CRIPT: variants seen among roughly 807,000 people sequenced by gnomAD.
CRIPT encodes the protein cysteine-rich PDZ-binding protein.
Under a neutral mutation model 16.6 loss-of-function variants are expected in CRIPT, and 20 were observed. That is an observed-to-expected ratio of 1.20 (90% CI 0.85 to 1.75). The LOEUF (loss-of-function observed/expected upper bound fraction) is 1.75. Ranked by LOEUF, CRIPT falls within the 40% of genes most tolerant of loss-of-function variation. CRIPT has a pLI of 0.00. For synonymous variants in CRIPT, 42 were observed against 37.0 expected (o/e 1.14, Z -0.49); for missense variants, 133 against 115.3 (o/e 1.15, Z -0.70).
intron 1 of CRIPT, among the ~76,000 whole-genome samples, chr2:46,618,415 C>A (rs1670720454): frequency 6.6e-6 from 1 of 152,180 alleles, no homozygotes; most frequent in East Asian, 1.9e-4. Flanking sequence ...TACTGTAATC[C>A]CTTTAAAATT....
At position 46,623,922 on chromosome 2, in the gene CRIPT, A is replaced by G. The variant is rs1172007415; in HGVS notation, c.241+55A>G. The G allele has an allele frequency of 3.9e-6, 5 of 1,273,864 alleles. No individual in the cohort carries two copies. The South Asian group carries it at 3.9e-5, about 10-fold the overall frequency. 78.9% of individuals were successfully genotyped at this position (1,273,864 alleles called of 1,614,324 possible). On this transcript the variant is annotated intron_variant, in intron 4 of 4. Coordinates refer to ENST00000238892, the MANE Select transcript of CRIPT (RefSeq NM_014171.6). ...CATAAAACCGACTTCATTTGCTGCT[A>G]ATTTGGTTAACAGAAAAGATGTAGC...
rs910607945 is a variant in CRIPT, at chr2:46,619,660, C to T, written c.116C>T (p.Ala39Val). 1.2e-6 allele frequency: 2 copies of T among 1,611,318 alleles called. No homozygotes were observed. Among genetic ancestry groups the T allele is most frequent in the Non-Finnish European group, 1.7e-6 (2 of 1,178,704 alleles). ...SGGRKLNENK[A>V]LTSKKARFDP... The stretch of plus-strand genomic sequence containing the variant: ...GGAAGAAAGCTGAATGAAAATAAAG[C>T]TTTGACTTCAAAAAAAGCAAGGTGG... The change falls in exon 3 of 5, where the codon GCT becomes GTT. Residue 39 changes from alanine (A) to valine (V), a missense_variant. By Grantham distance (64) the Ala-to-Val change is moderately conservative (BLOSUM62 0). Coordinates refer to ENST00000238892, the MANE Select transcript of CRIPT (RefSeq NM_014171.6).
Position 46,623,847 on chromosome 2 carries a change from A to C in CRIPT, c.221A>C (p.Gln74Pro), listed in dbSNP as rs554039395. The part of the protein sequence containing the change: ...SVHQPGSHYC[Q>P]GCAYKKGICA... ...CACCAACCAGGTTCTCATTACTGCC[A>C]GGGCTGTGCCTACAAAAAAGGTAAG... Residue 74 changes from glutamine (Q) to proline (P), a missense_variant, in exon 4 of 5, where the codon CAG (glutamine) becomes CCG (proline). By Grantham distance (76) the Gln-to-Pro change is moderately conservative (BLOSUM62 -1). Transcript: ENST00000238892. The C allele has an allele frequency of 6.8e-6, 11 of 1,607,764 alleles. No homozygotes were observed. The highest frequency in any genetic ancestry group is 4.4e-5 in the South Asian group (4 of 90,088).
At chr2:46,622,168 G>T (rs1670820083) in intron 3 of CRIPT, among the ~76,000 whole-genome samples, 1 of 151,970 alleles carries the variant, frequency 6.6e-6, no homozygotes. Context: ...AGGAGATCGA[G>T]ACCATCCTGG....
intron 3 of CRIPT, among the ~76,000 whole-genome samples, chr2:46,620,812 C>T (rs1324293715): frequency 6.6e-6 from 1 of 151,478 alleles, no homozygotes; most frequent in African/African-American, 2.4e-5. Context: ...AGCAGTTTAT[C>T]TGACATACCT....
chr2:46,627,678 C>T lies in CRIPT; in HGVS notation c.*3451C>T, dbSNP rs1204547109. Among the ~76,000 whole-genome samples the T allele has an allele frequency of 6.6e-6, 1 of 152,138 alleles. No individual in the cohort carries two copies. The highest frequency in any genetic ancestry group is 2.4e-5 in the African/African-American group (1 of 41,424). ...CAGGCTGGTCTTGAATTCCGAGCCT[C>T]AAGTGATCCACCCACCTCAGTCTCC... is the stretch of plus-strand genomic sequence containing the variant. On this transcript the variant is annotated 3_prime_UTR_variant, in exon 5 of 5. Transcript: ENST00000238892.
At position 46,629,743 on chromosome 2, in the gene CRIPT, G is replaced by A. The variant is rs920875143; in HGVS notation, c.*5516G>A. 6.6e-6 allele frequency among the ~76,000 whole-genome samples: 1 copy of A among 152,096 alleles called. No individual in the cohort carries two copies. The highest frequency in any genetic ancestry group is 1.5e-5 in the Non-Finnish European group (1 of 68,016). On this transcript the variant is annotated 3_prime_UTR_variant, in exon 5 of 5. Coordinates refer to ENST00000238892, the MANE Select transcript of CRIPT (RefSeq NM_014171.6). ...TGGTGATGCTAATTTTGATCACTTG[G>A]GTAAGATGTCCAGTTTCTCCAGTGT...
chr2:46,623,903 AC>A, intron 4 of CRIPT, 36 bp downstream of exon 4: 1 of 1,419,798 alleles, frequency 7.0e-7, no homozygotes, highest in Non-Finnish European at 9.8e-7. Flanking sequence ...TATTCATAAA[AC>A]CGACTTCATT....
Position 46,627,441 on chromosome 2 carries a change from C to CT in CRIPT, c.*3229dup, listed in dbSNP as rs371471601. Among the ~76,000 whole-genome samples the CT allele has an allele frequency of 0.065, 9,266 of 141,922 alleles. 365 individuals are homozygous for CT. The highest frequency in any genetic ancestry group is 0.098 in the Non-Finnish European group (6,338 of 64,868). 93.1% of individuals were successfully genotyped at this position (141,922 alleles called of 152,430 possible). ...ATAGCTTGAAGTCTTACATTTAAAT[C>CT]TTTTTTTTTTTTTTTCCCCAAAGAC... On this transcript the variant is annotated 3_prime_UTR_variant, in exon 5 of 5. Coordinates refer to ENST00000238892, the MANE Select transcript of CRIPT (RefSeq NM_014171.6).
At position 46,623,244 on chromosome 2, in the gene CRIPT, G is replaced by C. The variant is rs994807438; in HGVS notation, c.138-520G>C. Among the ~76,000 whole-genome samples, 5 of 152,138 alleles carry C rather than the reference G, an allele frequency of 3.3e-5. 1 individual carries two copies. Among genetic ancestry groups the C allele is most frequent in the Admixed American group, 3.3e-4 (5 of 15,280 alleles). ...CGACTGATAAGTGCTTTACATGATT[G>C]TCGTCACAAAAATCACAATCAGAAT... On this transcript the variant is annotated intron_variant, in intron 3 of 4. Coordinates refer to ENST00000238892, the MANE Select transcript of CRIPT (RefSeq NM_014171.6).
In CRIPT at chr2:46,628,657, C is replaced by T. The variant is rs545363325; in HGVS notation, c.*4430C>T. ...TTCCATGAATGGATCATCCAGTGGC[C>T]GCACTTAGGTTCTCCTATGAAGATT... On this transcript the variant is annotated 3_prime_UTR_variant, in exon 5 of 5. Transcript: ENST00000238892. 2.6e-5 allele frequency among the ~76,000 whole-genome samples: 4 copies of T among 152,258 alleles called. No individual in the cohort carries two copies. In the South Asian group the frequency reaches 6.2e-4, roughly 24 times the overall value.
chr2:46,617,327 G>C, intron 1 of CRIPT, 29 bp downstream of exon 1: 1 of 1,552,500 alleles, frequency 6.4e-7, no homozygotes, highest in Non-Finnish European at 8.7e-7. Flanking sequence ...TCTGCGGGAG[G>C]AGGAGGCTGG....
chr2:46,618,647 C>T (rs1046860598), intron 1 of CRIPT, 126 bp from the exon 2 acceptor site: 2 of 515,206 alleles, frequency 3.9e-6, no homozygotes, highest in African/African-American at 4.1e-5. Flanking sequence ...TGGCTGCTCT[C>T]CCAGCATTAA....
chr2:46,619,466 A>G (rs934919533), intron 2 of CRIPT, among the ~76,000 whole-genome samples, 161 bp from the exon 3 acceptor site: 1 of 152,104 alleles, frequency 6.6e-6, no homozygotes, highest in African/African-American at 2.4e-5. Flanking sequence ...TTCCCTAATA[A>G]ATATTTTCTT....
chr2:46,627,908 C>G lies in CRIPT; in HGVS notation c.*3681C>G, dbSNP rs1467281303. 6.6e-6 allele frequency among the ~76,000 whole-genome samples: 1 copy of G among 152,112 alleles called. No homozygotes were observed. Among genetic ancestry groups the G allele is most frequent in the Admixed American group, 6.6e-5 (1 of 15,266 alleles). On this transcript the variant is annotated 3_prime_UTR_variant, in exon 5 of 5. Transcript: ENST00000238892. ...TATTTTTGTTAACTTTGTCAAAGGTCAGATGGCTGTAGGTGTGTAGCTTTA... is the reference window on the plus strand; with the variant it reads ...TATTTTTGTTAACTTTGTCAAAGGTGAGATGGCTGTAGGTGTGTAGCTTTA...
chr2:46,618,646 TC>T lies in CRIPT; in HGVS notation c.17-124del, dbSNP rs143518366. 742 of 514,050 alleles carry T rather than the reference TC, an allele frequency of 1.4e-3. 4 individuals carry two copies. Among genetic ancestry groups the T allele is most frequent in the African/African-American group, 0.014 (680 of 50,310 alleles). The allele number at this position is 514,050 out of a possible 1,614,324, so 31.8% of individuals were successfully genotyped here. On this transcript the variant is annotated intron_variant, in intron 1 of 4. Transcript: ENST00000238892. ...ATGAGTCTCAGTTGATTGGCTGCTC[TC>T]CCAGCATTAACAGGCTCCTACGGTA...
rs1247249397 is a variant in CRIPT, at chr2:46,627,350, A to T, written c.*3123A>T. The stretch of plus-strand genomic sequence containing the variant: ...TTGTTGCAATTGCTTTTGAGGACTT[A>T]GCCGTAAGTTCTTTCCCATAGCTGA... On this transcript the variant is annotated 3_prime_UTR_variant, in exon 5 of 5. Transcript: ENST00000238892. 1.3e-5 allele frequency among the ~76,000 whole-genome samples: 2 copies of T among 151,820 alleles called. No individual in the cohort carries two copies. Among genetic ancestry groups the T allele is most frequent in the Non-Finnish European group, 1.5e-5 (1 of 67,992 alleles).
In CRIPT at chr2:46,625,919, T is replaced by A. The variant is rs1258505477; in HGVS notation, c.*1692T>A. Among the ~76,000 whole-genome samples the A allele has an allele frequency of 6.7e-6, 1 of 149,696 alleles. No individual in the cohort carries two copies. The highest frequency in any genetic ancestry group is 1.5e-5 in the Non-Finnish European group (1 of 67,976). ...CTGGACTTGCCTAACTCACATTTCA[T>A]TTTTTTTGTTGTTGTTGTTGTTTTT... On this transcript the variant is annotated 3_prime_UTR_variant, in exon 5 of 5. Coordinates refer to ENST00000238892, the MANE Select transcript of CRIPT (RefSeq NM_014171.6).
At position 46,619,559 on chromosome 2, in the gene CRIPT, G is replaced by T. The variant is rs1397793452; in HGVS notation, c.83-68G>T. ...CTATTTTGGTAGAAAGTCAAGGAAT[G>T]AACTTCTTAATATTATATGTTAAAT... On this transcript the variant is annotated intron_variant, in intron 2 of 4. Transcript: ENST00000238892. The T allele has an allele frequency of 3.7e-6, 4 of 1,079,312 alleles. No homozygotes were observed. The South Asian group carries it at 4.9e-5, about 13-fold the overall frequency. The allele number at this position is 1,079,312 out of a possible 1,614,324, so 66.9% of individuals were successfully genotyped here. A position where few individuals can be genotyped will look rare whatever the true frequency, so the allele number is the denominator to read the frequency against.
Sources: allele counts gnomAD v4.1 joint callset (sites outside exome capture counted in the v4.1 genomes callset), GRCh38; gene constraint gnomAD v4.1.1; transcripts MANE v1.5; gene names NCBI Gene and HGNC (gene_info 2026-07-23, HGNC 2026-07-21).